The following RABL3 variants were observed in gnomAD, a reference collection of about 807,000 sequenced individuals.
RABL3 encodes the protein rab-like protein 3.
RABL3 carries 31 observed loss-of-function variants against 31.8 expected under a neutral mutation model. The ratio of observed to expected loss-of-function variants is 0.97; its 90% confidence interval spans 0.73 to 1.31. The LOEUF (loss-of-function observed/expected upper bound fraction) is 1.31, where lower values mean the gene tolerates loss of function less well. Ranked by LOEUF, RABL3 falls within the 40% of genes most tolerant of loss-of-function variation. The probability of loss-of-function intolerance (pLI) is 0.00; values close to 1 mark genes in which losing one functional copy is unlikely to be tolerated. For missense variants in RABL3, 263 were observed against 279.6 expected (o/e 0.94, Z 0.42); for synonymous variants, 97 against 99.9 (o/e 0.97, Z 0.18).
intron 2 of RABL3, among the ~76,000 whole-genome samples, chr3:120,714,778 C>T (rs1708649650): frequency 6.6e-6 from 1 of 152,032 alleles, no homozygotes; most frequent in African/African-American, 2.4e-5. Context: ...TCATGAAATT[C>T]TCATCTCTCT....
At chr3:120,699,372 A>C (rs1708471063) in intron 4 of RABL3, among the ~76,000 whole-genome samples, 1 of 152,200 alleles carries the variant, frequency 6.6e-6, no homozygotes, top group East Asian at 1.9e-4. Context: ...ATTTTTTAAA[A>C]AATTTATTTA....
intron 2 of RABL3, among the ~76,000 whole-genome samples, chr3:120,719,034 C>G (rs116407808): frequency 6.6e-6 from 1 of 152,252 alleles, no homozygotes; most frequent in Non-Finnish European, 1.5e-5. Context: ...GATTATAATA[C>G]TTATTCCTTA....
At chr3:120,706,814 A>G (rs1329842549) in intron 3 of RABL3, among the ~76,000 whole-genome samples, 1 of 152,192 alleles carries the variant, frequency 6.6e-6, no homozygotes, top group Non-Finnish European at 1.5e-5. Flanking sequence ...AAGTATGGAT[A>G]GTAGAAAGTA....
chr3:120,723,406 C>T (rs1347370143), intron 2 of RABL3, among the ~76,000 whole-genome samples: 1 of 152,130 alleles, frequency 6.6e-6, no homozygotes, highest in African/African-American at 2.4e-5. Context: ...TGAAACTATT[C>T]CAATCAATAG....
In RABL3 at chr3:120,701,818, T is replaced by C. The variant is rs181075272; in HGVS notation, c.384-3245A>G. On this transcript the variant is annotated intron_variant, in intron 4 of 7. Transcript: ENST00000273375. ...AAAGATAGAAAATGGGGTTCTGTTC[T>C]AGGTAAGACAGAATAAGCAAACTCT... Among the ~76,000 whole-genome samples, 314 of 152,328 alleles carry C rather than the reference T, an allele frequency of 2.1e-3. 1 individual carries two copies. The highest frequency in any genetic ancestry group is 7.2e-3 in the African/African-American group (301 of 41,576).
chr3:120,733,501 C>T (rs572795464), intron 1 of RABL3, among the ~76,000 whole-genome samples: 9,722 of 152,128 alleles, frequency 0.064, 438 homozygotes, highest in East Asian at 0.19. Flanking sequence ...TTCTCCCATT[C>T]TGTAGGTTGC....
At chr3:120,722,738 T>C (rs1332043722) in intron 2 of RABL3, 1 of 152,196 alleles carries the variant, frequency 6.6e-6, no homozygotes, top group Non-Finnish European at 1.5e-5. Context: ...AAAGATGTTC[T>C]TTGAAACCAA....
intron 4 of RABL3, among the ~76,000 whole-genome samples, chr3:120,701,809 G>T (rs190309723): frequency 3.3e-5 from 5 of 152,242 alleles, no homozygotes; most frequent in African/African-American, 4.8e-5. Context: ...AGAAAATGGG[G>T]TTCTGTTCTA....
intron 1 of RABL3, among the ~76,000 whole-genome samples, chr3:120,733,244 T>C (rs1360942647): frequency 6.6e-6 from 1 of 152,226 alleles, no homozygotes. Context: ...GACTTTTTAA[T>C]GATCGCCATT....
intron 1 of RABL3, chr3:120,738,496 C>G (rs944956326): frequency 2.6e-5 from 4 of 152,476 alleles, no homozygotes; most frequent in African/African-American, 9.6e-5. Context: ...CCCCCACGGT[C>G]TGACAAGCCC....
In RABL3 at chr3:120,689,768, A is replaced by G; in HGVS notation, c.*55T>C. 1 of 1,152,096 alleles carries G rather than the reference A, an allele frequency of 8.7e-7. No individual in the cohort carries two copies. Among genetic ancestry groups the G allele is most frequent in the Non-Finnish European group, 1.3e-6 (1 of 761,892 alleles). 71.4% of individuals were successfully genotyped at this position (1,152,096 alleles called of 1,614,324 possible). A position where few individuals can be genotyped will look rare whatever the true frequency, so the allele number is the denominator to read the frequency against. ...GATGGTAATAATTGAACACAGCAAG[A>G]TGAGCTGTGAAAAACTGCCACTGCT... On this transcript the variant is annotated 3_prime_UTR_variant, in exon 8 of 8. Transcript: ENST00000273375.
Position 120,688,216 on chromosome 3 carries a change from T to C in RABL3, c.*1607A>G, listed in dbSNP as rs1021573323. The C allele has an allele frequency of 1.3e-5, 2 of 152,574 alleles. No homozygotes were observed. Among genetic ancestry groups the C allele is most frequent in the African/African-American group, 4.8e-5 (2 of 41,436 alleles). The allele number at this position is 152,574 out of a possible 1,614,324, so 9.5% of individuals were successfully genotyped here. A position where few individuals can be genotyped will look rare whatever the true frequency, so the allele number is the denominator to read the frequency against. ...TGAAGGAGAAATACAAAGAGCTTAA[T>C]TGGGTTAGGTCTCTGGGTAGCATTT... On this transcript the variant is annotated 3_prime_UTR_variant, in exon 8 of 8. Coordinates refer to ENST00000273375, the MANE Select transcript of RABL3 (RefSeq NM_173825.5).
chr3:120,699,591 T>C (rs920537336), intron 4 of RABL3, among the ~76,000 whole-genome samples: 11 of 152,212 alleles, frequency 7.2e-5, no homozygotes, highest in African/African-American at 2.7e-4. Flanking sequence ...CATAATCCAA[T>C]CACTACAACC....
rs760187211 is a variant in RABL3 at position 120,689,923 on chromosome 3, A to C, written c.646-35T>G. 3.9e-6 allele frequency: 6 copies of C among 1,524,976 alleles called. No homozygotes were observed. In the South Asian group the frequency reaches 6.8e-5, roughly 17 times the overall value. The allele number at this position is 1,524,976 out of a possible 1,614,324, so 94.5% of individuals were successfully genotyped here. On this transcript the variant is annotated intron_variant, in intron 7 of 7. Coordinates refer to ENST00000273375, the MANE Select transcript of RABL3 (RefSeq NM_173825.5). ...AGAAAGATAATTGCATTAAGTCTCA[A>C]GCAATAAAAGTTCAAATACTAATAG...
chr3:120,736,910 G>A (rs1265303298), intron 1 of RABL3, among the ~76,000 whole-genome samples: 2 of 151,688 alleles, frequency 1.3e-5, no homozygotes, highest in East Asian at 1.9e-4. Context: ...ACGCTGATGG[G>A]CTTCCCTTTG....
chr3:120,727,304 A>T (rs1326059479), intron 2 of RABL3, among the ~76,000 whole-genome samples: 1 of 152,192 alleles, frequency 6.6e-6, no homozygotes, highest in Non-Finnish European at 1.5e-5. Context: ...GAAATGAAAA[A>T]GGGAATATTG....
intron 2 of RABL3, among the ~76,000 whole-genome samples, chr3:120,729,621 C>G (rs777235744): frequency 1.3e-5 from 2 of 151,658 alleles, no homozygotes; most frequent in African/African-American, 2.4e-5. Flanking sequence ...TTAAAAAGAA[C>G]TAAAAGGAAC....
intron 2 of RABL3, chr3:120,710,406 TTTC>T (rs1389794856): frequency 6.6e-6 from 1 of 152,400 alleles, no homozygotes; most frequent in Non-Finnish European, 1.5e-5. Context: ...CAGATAACTA[TTTC>T]ATACTTTTTC....
intron 6 of RABL3, among the ~76,000 whole-genome samples, chr3:120,693,939 C>A (rs1385247182): frequency 2.0e-5 from 3 of 152,072 alleles, no homozygotes; most frequent in Non-Finnish European, 2.9e-5. Context: ...AATCCAGTAG[C>A]TTTTGCCCTT....
Sources: gnomAD v4.1 joint callset for allele counts (sites outside exome capture counted in the v4.1 genomes callset) on GRCh38, gnomAD v4.1.1 for gene constraint, MANE v1.5 for transcripts, NCBI Gene and HGNC (gene_info 2026-07-23, HGNC 2026-07-21) for gene names.